PREX1: variants seen among roughly 807,000 people sequenced by gnomAD.
PREX1 encodes the protein phosphatidylinositol-3,4,5-trisphosphate dependent Rac exchange factor 1.
Under a neutral mutation model 198.3 loss-of-function variants are expected in PREX1, and 41 were observed. That is an observed-to-expected ratio of 0.21 (90% confidence interval 0.16 to 0.27). The LOEUF (loss-of-function observed/expected upper bound fraction) is 0.27, where lower values mean the gene tolerates loss of function less well. Among genes scored for constraint, PREX1 ranks in the 10% least tolerant of loss-of-function variants. The pLI is 1.00. For missense variants in PREX1, 1,620 were observed against 2,200.7 expected, an observed-to-expected ratio of 0.74 and a Z score of 5.28; for synonymous variants, 843 against 887.2, an observed-to-expected ratio of 0.95 and a Z score of 0.89.
At chr20:48,870,291 T>C in the PREX1 span, among the ~76,000 whole-genome samples, 2 of 152,284 alleles carry the variant, frequency 1.3e-5, no homozygotes, top group South Asian at 2.1e-4. Context: ...TAATGTGCGA[T>C]ACAAACAAAC....
At chr20:48,848,319 A>G in the PREX1 span, among the ~76,000 whole-genome samples, 3 of 151,732 alleles carry the variant, frequency 2.0e-5, no homozygotes, top group African/African-American at 4.8e-5. Context: ...CAGTGGCACA[A>G]TTGTGGCTCA....
intron 20 of PREX1, among the ~76,000 whole-genome samples, chr20:48,652,993 G>C (rs563071607): frequency 5.9e-5 from 9 of 152,196 alleles, no homozygotes; most frequent in Non-Finnish European, 1.0e-4. Context: ...GTGAACCAGT[G>C]AATCAATCAA....
At chr20:48,771,643 A>T (rs978370636) in intron 1 of PREX1, among the ~76,000 whole-genome samples, 7 of 152,102 alleles carry the variant, frequency 4.6e-5, no homozygotes, top group Non-Finnish European at 8.8e-5. Flanking sequence ...ATCTCAAAAT[A>T]AAAAAAGGCA....
intron 5 of PREX1, among the ~76,000 whole-genome samples, chr20:48,724,264 C>T (rs1447114302): frequency 3.9e-5 from 6 of 152,206 alleles, no homozygotes; most frequent in Non-Finnish European, 7.3e-5. Flanking sequence ...TTCTCTGTGC[C>T]TCAGCTGCCC....
chr20:48,816,497 C>T (rs1404024787), intron 1 of PREX1, among the ~76,000 whole-genome samples: 2 of 152,124 alleles, frequency 1.3e-5, no homozygotes, highest in Non-Finnish European at 2.9e-5. Context: ...CAGGTAAAGC[C>T]TTAAAAGACG....
Position 48,827,602 on chromosome 20 carries a change from T to A in PREX1, c.219+40A>T, listed in dbSNP as rs529263782. On this transcript the variant is annotated intron_variant, in intron 1 of 39. Coordinates refer to ENST00000371941, the MANE Select transcript of PREX1 (RefSeq NM_020820.4). This position sits in a 1 kb window ranked among gnomAD's most constrained non-coding sequence, Gnocchi z 4.1. ...TGGGGACCGCAGCGGGGCGAGCGGC[T>A]GGAGGGAAAGCTGTCCCCAAGCTCC... 8.2e-7 allele frequency: 1 copy of A among 1,218,428 alleles called. No individual in the cohort carries two copies. Among genetic ancestry groups the A allele is most frequent in the South Asian group, 3.7e-5 (1 of 26,944 alleles). The allele number at this position is 1,218,428 out of a possible 1,614,324, so 75.5% of individuals were successfully genotyped here.
chr20:48,707,668 T>A (rs1024970651), intron 6 of PREX1, among the ~76,000 whole-genome samples: 1 of 152,198 alleles, frequency 6.6e-6, no homozygotes, highest in Non-Finnish European at 1.5e-5. Context: ...CTTCTACGGA[T>A]TCACAGGAAA....
At chr20:48,833,695 A>G in the PREX1 span, among the ~76,000 whole-genome samples, 1 of 151,586 alleles carries the variant, frequency 6.6e-6, no homozygotes, top group Admixed American at 6.6e-5. Context: ...ATCCGCCTCG[A>G]CCTCCCAAAA....
Position 48,675,895 on chromosome 20 carries a change from G to A in PREX1, c.1665+298C>T, listed in dbSNP as rs142467397. Among the ~76,000 whole-genome samples, 179 of 152,206 alleles carry A rather than the reference G, an allele frequency of 1.2e-3. 3 individuals are homozygous for A. In the South Asian group the frequency reaches 0.016, roughly 13 times the overall value. ...CTACTAAAATTACAAAAATCAGCTG[G>A]GTGTGGTGGCGTGCGCCTGTAATAC... On this transcript the variant is annotated intron_variant, in intron 14 of 39. Coordinates refer to ENST00000371941, the MANE Select transcript of PREX1 (RefSeq NM_020820.4).
chr20:48,660,486 G>A (rs1282836349), intron 15 of PREX1, among the ~76,000 whole-genome samples: 1 of 147,040 alleles, frequency 6.8e-6, no homozygotes, highest in Non-Finnish European at 1.5e-5. Context: ...TGCCCAGGGG[G>A]GAAAAAAATT....
At chr20:48,832,005 G>A (rs527431100), upstream of PREX1, among the ~76,000 whole-genome samples, 24 of 151,974 alleles carry the variant, frequency 1.6e-4, no homozygotes, top group Admixed American at 4.6e-4. Flanking sequence ...CCCATCACCC[G>A]TCCGGAATAT....
At position 48,632,528 on chromosome 20, in the gene PREX1, C is replaced by T; in HGVS notation, c.4379G>A (p.Ser1460Asn). The change falls in exon 34 of 40, where the codon AGC (serine) becomes AAC (asparagine). Residue 1460 changes from serine to asparagine, a missense_variant. By Grantham distance (46) the Ser-to-Asn change is conservative. This residue lies in a region of PREX1 where 476 missense variants were observed against 603.4 expected (regional missense o/e 0.79). Coordinates refer to ENST00000371941, the MANE Select transcript of PREX1 (RefSeq NM_020820.4). Reference sequence around the variant, plus strand: ...GAACAGCGCTGTGTGCAGCCTCAGGCTGGCCCCACCCTCCAGGCGGGAGGG... The same window carrying T: ...GAACAGCGCTGTGTGCAGCCTCAGGTTGGCCCCACCCTCCAGGCGGGAGGG... ...KLPSRLEGGASLRLHTALFTK... is the reference protein window; with the variant it reads ...KLPSRLEGGANLRLHTALFTK... 1.2e-6 allele frequency: 2 copies of T among 1,614,130 alleles called. No individual in the cohort carries two copies. Among genetic ancestry groups the T allele is most frequent in the Non-Finnish European group, 1.7e-6 (2 of 1,180,014 alleles).
At position 48,765,720 on chromosome 20, in the gene PREX1, T is replaced by C. The variant is rs546284283; in HGVS notation, c.220-17840A>G. On this transcript the variant is annotated intron_variant, in intron 1 of 39. Coordinates refer to ENST00000371941, the MANE Select transcript of PREX1 (RefSeq NM_020820.4). ...CTATACTGCTTCTTCAGTTCAAAAATTGGGAGAATTTAATTAGGGGAAGGA... is the reference window on the plus strand; with the variant it reads ...CTATACTGCTTCTTCAGTTCAAAAACTGGGAGAATTTAATTAGGGGAAGGA... Among the ~76,000 whole-genome samples, 3 of 152,144 alleles carry C rather than the reference T, an allele frequency of 2.0e-5. No homozygotes were observed. In the East Asian group the frequency reaches 5.8e-4, roughly 29 times the overall value.
intron 1 of PREX1, among the ~76,000 whole-genome samples, chr20:48,760,168 T>A (rs13042318): frequency 1.3e-5 from 2 of 151,462 alleles, no homozygotes; most frequent in African/African-American, 2.4e-5. Flanking sequence ...CTAGAGTGTC[T>A]GCAGGGAGTC....
chr20:48,634,363 C>A (rs2089344590), intron 33 of PREX1, among the ~76,000 whole-genome samples: 1 of 152,116 alleles, frequency 6.6e-6, no homozygotes, highest in South Asian at 2.1e-4. Context: ...CTTATTTAAG[C>A]CCTTTAAAAA....
chr20:48,808,160 T>C (rs2090420276), intron 1 of PREX1, among the ~76,000 whole-genome samples: 1 of 152,136 alleles, frequency 6.6e-6, no homozygotes, highest in South Asian at 2.1e-4. Flanking sequence ...AACGGGGTGC[T>C]TCCTGCTCTG....
intron 1 of PREX1, among the ~76,000 whole-genome samples, chr20:48,810,764 G>GTA (rs1467041681): frequency 6.6e-6 from 1 of 151,700 alleles, no homozygotes; most frequent in Non-Finnish European, 1.5e-5. Context: ...GTGCACACCT[G>GTA]TAGTCCCAGC....
the PREX1 span, among the ~76,000 whole-genome samples, chr20:48,864,990 A>C: frequency 6.6e-6 from 1 of 152,286 alleles, no homozygotes; most frequent in East Asian, 1.9e-4. Context: ...GGGAGAAGCC[A>C]CACACCTCAG....
intron 29 of PREX1, among the ~76,000 whole-genome samples, chr20:48,641,838 GAGAGGAAGGAAGGAAGGA>G (rs1313036969): frequency 1.1e-3 from 109 of 99,480 alleles, no homozygotes; most frequent in South Asian, 0.011. Flanking sequence ...GAGAGAGAGA[GAGAGGAAGGAAGGAAGGA>G]AGGAAGGAAG....
Sources: gnomAD v4.1 joint callset for allele counts (sites outside exome capture counted in the v4.1 genomes callset) on GRCh38, gnomAD v4.1.1 for gene constraint, gnomAD v4.1.1 regional missense constraint, Gnocchi (gnomAD v3.1) non-coding constraint, MANE v1.5 for transcripts, NCBI Gene and HGNC (gene_info 2026-07-23, HGNC 2026-07-21) for gene names.